LAPTM4B: variants seen among roughly 807,000 people sequenced by gnomAD.
LAPTM4B encodes the protein lysosomal-associated transmembrane protein 4B.
In LAPTM4B, 26 loss-of-function variants were observed where a neutral mutation model predicts 28.5. The observed-to-expected ratio is 0.91, with a 90% CI of 0.67 to 1.27. LAPTM4B has a LOEUF of 1.27. Ranked by LOEUF, LAPTM4B falls within the 50% of genes most tolerant of loss-of-function variation. LAPTM4B has a pLI of 0.00. For missense variants in LAPTM4B, 288 were observed against 285.8 expected (o/e 1.01, Z -0.06); for synonymous variants, 109 against 106.4 (o/e 1.02, Z -0.15).
chr8:97,795,785 C>T (rs1331074904), intron 1 of LAPTM4B, among the ~76,000 whole-genome samples: 1 of 146,982 alleles, frequency 6.8e-6, no homozygotes, highest in Non-Finnish European at 1.5e-5. Flanking sequence ...CCCCAGAGGC[C>T]GAGATTGCCC....
chr8:97,846,648 A>G (rs1419679693), intron 6 of LAPTM4B, among the ~76,000 whole-genome samples: 3 of 152,172 alleles, frequency 2.0e-5, no homozygotes, highest in Non-Finnish European at 4.4e-5. Flanking sequence ...TATTTTTACC[A>G]ATAAATAGTT....
chr8:97,805,324 C>CTTTTTTTTTTTT (rs386413439), intron 1 of LAPTM4B, 29 bp from the exon 2 acceptor site: 8 of 843,616 alleles, frequency 9.5e-6, no homozygotes, highest in South Asian at 6.8e-5. Context: ...TACTTAAATT[C>CTTTTTTTTTTTT]TTTTTTTTTT....
intron 6 of LAPTM4B, among the ~76,000 whole-genome samples, chr8:97,838,312 C>T (rs1817292520): frequency 6.6e-6 from 1 of 152,202 alleles, no homozygotes; most frequent in Non-Finnish European, 1.5e-5. Context: ...CCAGTTCCAT[C>T]CAGTGAGGGT....
intron 6 of LAPTM4B, among the ~76,000 whole-genome samples, chr8:97,838,234 G>A (rs980278235): frequency 1.3e-5 from 2 of 152,100 alleles, no homozygotes; most frequent in Non-Finnish European, 2.9e-5. Context: ...TGCAGGGTAG[G>A]GTAACACCTT....
At chr8:97,838,552 G>A (rs540034124) in intron 6 of LAPTM4B, among the ~76,000 whole-genome samples, 4 of 152,296 alleles carry the variant, frequency 2.6e-5, no homozygotes, top group Admixed American at 1.3e-4. Flanking sequence ...GTAACTTCCC[G>A]AGGTCACCCT....
chr8:97,793,429 C>CT (rs1226390618), intron 1 of LAPTM4B, among the ~76,000 whole-genome samples: 4 of 152,046 alleles, frequency 2.6e-5, no homozygotes, highest in Non-Finnish European at 5.9e-5. Flanking sequence ...TGAAGCAAAT[C>CT]TGAGTGATTT....
At position 97,775,992 on chromosome 8, in the gene LAPTM4B, G is replaced by A; in HGVS notation, c.-18G>A. 5 of 1,564,636 alleles carry A rather than the reference G, an allele frequency of 3.2e-6. No individual in the cohort carries two copies. Among genetic ancestry groups the A allele is most frequent in the Non-Finnish European group, 4.3e-6 (5 of 1,162,350 alleles). On this transcript the variant is annotated 5_prime_UTR_variant, in exon 1 of 7. Coordinates refer to ENST00000521545, the MANE Select transcript of LAPTM4B (RefSeq NM_018407.6). Reference sequence around the variant, plus strand: ...CCTGAAAACTTGCGCGCGCGCTCGCGCCACTGCGCCCGGAGCGATGAAGAT... The same window carrying A: ...CCTGAAAACTTGCGCGCGCGCTCGCACCACTGCGCCCGGAGCGATGAAGAT...
chr8:97,841,924 C>T (rs532138694), intron 6 of LAPTM4B, among the ~76,000 whole-genome samples: 1 of 152,222 alleles, frequency 6.6e-6, no homozygotes, highest in South Asian at 2.1e-4. Context: ...TTGAAATGGA[C>T]CTTTGGAAGA....
chr8:97,806,327 A>G (rs1053414642), intron 2 of LAPTM4B, among the ~76,000 whole-genome samples: 3 of 152,090 alleles, frequency 2.0e-5, no homozygotes, highest in African/African-American at 7.2e-5. Flanking sequence ...GGAGAGTGGT[A>G]TTGGGGATAC....
intron 2 of LAPTM4B, among the ~76,000 whole-genome samples, chr8:97,810,746 C>G (rs1241639831): frequency 6.6e-6 from 1 of 152,186 alleles, no homozygotes; most frequent in African/African-American, 2.4e-5. Flanking sequence ...AGGAGTTCAT[C>G]CATATTTCTA....
At chr8:97,819,957 G>C (rs185275115) in intron 5 of LAPTM4B, among the ~76,000 whole-genome samples, 2 of 151,938 alleles carry the variant, frequency 1.3e-5, no homozygotes, top group African/African-American at 4.8e-5. Flanking sequence ...GGATGGTCTC[G>C]ATCTCCTGAC....
rs1219961511 is a variant in LAPTM4B at position 97,805,453 on chromosome 8, T to C, written c.200T>C (p.Met67Thr). Reference sequence around the variant, plus strand: ...GAACTGGGAGGTGACTTTGAGTTCATGGATGATGCCAGTAAGTAGTAGATA... The same window carrying C: ...GAACTGGGAGGTGACTTTGAGTTCACGGATGATGCCAGTAAGTAGTAGATA... ...SSELGGDFEFMDDANMCIAIA... is the reference protein window; with the variant it reads ...SSELGGDFEFTDDANMCIAIA... The change falls in exon 2 of 7, where the codon ATG (methionine) becomes ACG (threonine). Residue 67 changes from methionine (M) to threonine (T), a missense_variant. Coordinates refer to ENST00000521545, the MANE Select transcript of LAPTM4B (RefSeq NM_018407.6). The C allele has an allele frequency of 8.2e-6, 13 of 1,593,752 alleles. No individual in the cohort carries two copies. Among genetic ancestry groups the C allele is most frequent in the African/African-American group, 1.3e-5 (1 of 74,412 alleles).
chr8:97,819,039 T>C, intron 4 of LAPTM4B, 101 bp from the exon 5 acceptor site: 1 of 736,442 alleles, frequency 1.4e-6, no homozygotes, highest in Non-Finnish European at 2.4e-6. Context: ...GCTGTCTGCT[T>C]TAATCAGTTG....
chr8:97,787,367 G>A (rs1816420283), intron 1 of LAPTM4B, among the ~76,000 whole-genome samples: 1 of 149,442 alleles, frequency 6.7e-6, no homozygotes, highest in Admixed American at 6.8e-5. Flanking sequence ...CTCACTGCAA[G>A]CTCCGCCTCC....
rs35103829 is a variant in LAPTM4B, at chr8:97,815,568, AT to A, written c.285+180del. Among the ~76,000 whole-genome samples, 1,238 of 146,524 alleles carry A rather than the reference AT, an allele frequency of 8.4e-3. 19 individuals are homozygous for A. The highest frequency in any genetic ancestry group is 0.028 in the African/African-American group (1,124 of 40,352). ...TAGGAAAACCAATATTATACTGGAA[AT>A]TTTTTTTTTTTTGGGAAGACGGGGT... is the stretch of plus-strand genomic sequence containing the variant. On this transcript the variant is annotated intron_variant, in intron 3 of 6. Transcript: ENST00000521545.
At chr8:97,801,996 G>T (rs1816691015) in intron 1 of LAPTM4B, among the ~76,000 whole-genome samples, 1 of 152,158 alleles carries the variant, frequency 6.6e-6, no homozygotes, top group African/African-American at 2.4e-5. Flanking sequence ...GTTTTCTTCA[G>T]ATAGTTTTGT....
chr8:97,850,222 G>T (rs1041760500), intron 6 of LAPTM4B, among the ~76,000 whole-genome samples: 1 of 151,944 alleles, frequency 6.6e-6, no homozygotes, highest in Non-Finnish European at 1.5e-5. Flanking sequence ...TCACTGTGTG[G>T]CTTCTGTGTT....
intron 6 of LAPTM4B, among the ~76,000 whole-genome samples, chr8:97,844,007 C>G (rs953319305): frequency 6.6e-5 from 10 of 151,718 alleles, no homozygotes; most frequent in Admixed American, 4.6e-4. Context: ...GAAATAAAAA[C>G]CTTATAACCC....
chr8:97,784,573 G>A (rs1357455825), intron 1 of LAPTM4B, among the ~76,000 whole-genome samples: 2 of 151,958 alleles, frequency 1.3e-5, no homozygotes, highest in Admixed American at 1.3e-4. Flanking sequence ...TCGAGTAGCT[G>A]GGACTACAGG....
Sources: allele counts gnomAD v4.1 joint callset (sites outside exome capture counted in the v4.1 genomes callset), GRCh38; gene constraint gnomAD v4.1.1; transcripts MANE v1.5; gene names NCBI Gene and HGNC (gene_info 2026-07-23, HGNC 2026-07-21).